EFNA5: variants seen among roughly 807,000 people sequenced by gnomAD.
The protein encoded by EFNA5 is ephrin A5.
Under a neutral mutation model 22.9 loss-of-function variants are expected in EFNA5, and 5 were observed. The ratio of observed to expected loss-of-function variants is 0.22; its 90% confidence interval spans 0.11 to 0.46. EFNA5 has a LOEUF of 0.46. EFNA5 is among the 20% of genes least tolerant of loss of function. The pLI is 0.99. For missense variants in EFNA5, 237 were observed against 293.3 expected, an observed-to-expected ratio of 0.81 and a Z score of 1.40; for synonymous variants, 113 against 112.2, an observed-to-expected ratio of 1.01 and a Z score of -0.04.
At chr5:107,668,891 G>A (rs1202666959) in intron 1 of EFNA5, among the ~76,000 whole-genome samples, 2 of 152,084 alleles carry the variant, frequency 1.3e-5, no homozygotes, top group Non-Finnish European at 2.9e-5. Context: ...GTGGTAAGTG[G>A]CATGTCAAAG....
chr5:107,385,750 G>A (rs185644246), intron 4 of EFNA5, among the ~76,000 whole-genome samples: 121 of 152,256 alleles, frequency 7.9e-4, no homozygotes, highest in African/African-American at 2.7e-3. Context: ...CCCTGAGCTT[G>A]TGAGGACTCT....
chr5:107,398,627 G>C (rs1747993009), intron 2 of EFNA5, among the ~76,000 whole-genome samples: 1 of 151,924 alleles, frequency 6.6e-6, no homozygotes, highest in South Asian at 2.1e-4. Context: ...CAGGAGGACT[G>C]CTTGAGCCCG....
At chr5:107,466,140 C>G (rs556396591) in intron 1 of EFNA5, among the ~76,000 whole-genome samples, 1 of 152,098 alleles carries the variant, frequency 6.6e-6, no homozygotes, top group African/African-American at 2.4e-5. Context: ...AGACGGTGCT[C>G]GAGTTATTTA....
chr5:107,647,042 A>G (rs1383946469), intron 1 of EFNA5, among the ~76,000 whole-genome samples: 1 of 152,176 alleles, frequency 6.6e-6, no homozygotes, highest in Non-Finnish European at 1.5e-5. Context: ...AAGCCCCTAT[A>G]ATGCAAAATT....
At chr5:107,494,725 G>C (rs1420386428) in intron 1 of EFNA5, among the ~76,000 whole-genome samples, 1 of 152,182 alleles carries the variant, frequency 6.6e-6, no homozygotes. Flanking sequence ...ATACCAATCA[G>C]CACTCTGTAT....
At chr5:107,629,612 A>G (rs55754532) in intron 1 of EFNA5, among the ~76,000 whole-genome samples, 51,220 of 152,164 alleles carry the variant, frequency 0.34, 9,344 homozygotes, top group South Asian at 0.52. Flanking sequence ...AGCAGGGAGT[A>G]TATGGGAAAT....
intron 1 of EFNA5, among the ~76,000 whole-genome samples, chr5:107,570,111 A>G (rs985638422): frequency 1.3e-5 from 2 of 152,184 alleles, no homozygotes; most frequent in African/African-American, 4.8e-5. Flanking sequence ...CTACCTCCTA[A>G]TGGTGAAAGA....
chr5:107,399,414 GGAGA>G lies in EFNA5; in HGVS notation c.419-11647_419-11644del, dbSNP rs371664667. 2.5e-3 allele frequency among the ~76,000 whole-genome samples: 372 copies of G among 148,970 alleles called. 3 individuals are homozygous for G. The highest frequency in any genetic ancestry group is 6.5e-3 in the African/African-American group (261 of 40,304). ...AAAGAAGAGAGAGAGAAGGAAGGAA[GGAGA>G]GAGAGAGAGAGAAAGGAATGGGAAC... On this transcript the variant is annotated intron_variant, in intron 2 of 4. Coordinates refer to ENST00000333274, the MANE Select transcript of EFNA5 (RefSeq NM_001962.3).
intron 2 of EFNA5, among the ~76,000 whole-genome samples, chr5:107,398,854 C>CAAAAAA (rs1214380627): frequency 2.0e-4 from 13 of 65,020 alleles, no homozygotes; most frequent in Non-Finnish European, 2.5e-4. Context: ...GACACTGCCT[C>CAAAAAA]AAAAAAAAAA....
At chr5:107,559,824 C>T (rs1580530454) in intron 1 of EFNA5, among the ~76,000 whole-genome samples, 1 of 152,114 alleles carries the variant, frequency 6.6e-6, no homozygotes, top group Non-Finnish European at 1.5e-5. Context: ...TCTAGAAGAG[C>T]AATTATCCTT....
intron 1 of EFNA5, among the ~76,000 whole-genome samples, chr5:107,468,568 G>A (rs1326944496): frequency 6.6e-6 from 1 of 152,180 alleles, no homozygotes; most frequent in Non-Finnish European, 1.5e-5. Flanking sequence ...AGGTGCTTTT[G>A]AAATCTTCCA....
rs554358535 is a variant in EFNA5 at position 107,620,959 on chromosome 5, A to T, written c.125+49530T>A. Among the ~76,000 whole-genome samples the T allele has an allele frequency of 1.8e-4, 27 of 152,336 alleles. No individual in the cohort carries two copies. The East Asian group carries it at 4.0e-3, about 23-fold the overall frequency. On this transcript the variant is annotated intron_variant, in intron 1 of 4. Coordinates refer to ENST00000333274, the MANE Select transcript of EFNA5 (RefSeq NM_001962.3). ...CCATATTTGGATCATCACGTGTAAG[A>T]GAGTGAGAAAGAATGGAACATTAGG...
At chr5:107,589,070 G>A (rs1208330899) in intron 1 of EFNA5, among the ~76,000 whole-genome samples, 3 of 152,184 alleles carry the variant, frequency 2.0e-5, no homozygotes, top group Admixed American at 6.5e-5. Flanking sequence ...CAGTATGAGA[G>A]TGAAACCCAG....
In EFNA5 at chr5:107,670,703, G is replaced by C; in HGVS notation, c.-90C>G. The C allele has an allele frequency of 6.6e-7, 1 of 1,506,708 alleles. No individual in the cohort carries two copies. The highest frequency in any genetic ancestry group is 8.9e-7 in the Non-Finnish European group (1 of 1,126,926). The allele number at this position is 1,506,708 out of a possible 1,614,324, so 93.3% of individuals were successfully genotyped here. The stretch of plus-strand genomic sequence containing the variant: ...AGGGAGGCAGGCAAAGGGACAGAGA[G>C]AGAGCGGGCGCCAAATAAATATGAA... On this transcript the variant is annotated 5_prime_UTR_variant, in exon 1 of 5. Transcript: ENST00000333274.
chr5:107,648,854 C>G (rs905430098), intron 1 of EFNA5, among the ~76,000 whole-genome samples: 2 of 152,098 alleles, frequency 1.3e-5, no homozygotes, highest in Admixed American at 1.3e-4. Flanking sequence ...AAGAAAACTT[C>G]TGTGTCCTCT....
At chr5:107,384,558 T>C (rs938762423) in intron 4 of EFNA5, among the ~76,000 whole-genome samples, 6 of 152,112 alleles carry the variant, frequency 3.9e-5, no homozygotes, top group African/African-American at 1.4e-4. Context: ...GAAAGGTAAA[T>C]ACCCTTTCAC....
intron 1 of EFNA5, among the ~76,000 whole-genome samples, chr5:107,428,973 A>G (rs1561382123): frequency 1.3e-5 from 2 of 152,206 alleles, no homozygotes; most frequent in Admixed American, 6.5e-5. Context: ...ACATTTGAAA[A>G]TCTTGATTCC....
intron 1 of EFNA5, among the ~76,000 whole-genome samples, chr5:107,630,901 A>T (rs1750235448): frequency 6.6e-6 from 1 of 152,040 alleles, no homozygotes; most frequent in Admixed American, 6.6e-5. Context: ...ACATAAACTC[A>T]CATATCAGCC....
At chr5:107,388,417 G>A (rs1255745986) in intron 2 of EFNA5, 10 of 152,006 alleles carry the variant, frequency 6.6e-5, no homozygotes, top group Non-Finnish European at 1.2e-4. Flanking sequence ...AAAGTACTAT[G>A]TTGCAACGGT....
Sources: gnomAD v4.1 joint callset for allele counts (sites outside exome capture counted in the v4.1 genomes callset) on GRCh38, gnomAD v4.1.1 for gene constraint, MANE v1.5 for transcripts, NCBI Gene and HGNC (gene_info 2026-07-23, HGNC 2026-07-21) for gene names.